The following RUNX1 variants were observed in gnomAD, a reference collection of about 807,000 sequenced individuals.
The protein encoded by RUNX1 is RUNX family transcription factor 1.
A neutral mutation model predicts 42.8 loss-of-function variants in RUNX1; 19 were observed. The ratio of observed to expected loss-of-function variants is 0.44; its 90% CI spans 0.31 to 0.65. RUNX1 has a LOEUF of 0.65. Among genes scored for constraint, RUNX1 ranks in the 30% least tolerant of loss-of-function variants. The pLI is 0.07. For missense variants in RUNX1, 528 were observed against 672.0 expected (o/e 0.79, Z 2.37); for synonymous variants, 271 against 289.4 (o/e 0.94, Z 0.64).
At chr21:34,889,404 C>T (rs532720212) in intron 3 of RUNX1, among the ~76,000 whole-genome samples, 19 of 152,268 alleles carry the variant, frequency 1.2e-4, no homozygotes, top group Middle Eastern at 3.4e-3. Context: ...ACCGCTGCGC[C>T]CGGGCCGCGG....
In RUNX1 at chr21:34,988,976, T is replaced by G. The variant is rs9982871; in HGVS notation, c.58+59866A>C. Among the ~76,000 whole-genome samples, 981 of 151,288 alleles carry G rather than the reference T, an allele frequency of 6.5e-3. 4 individuals are homozygous for G. Among genetic ancestry groups the G allele is most frequent in the African/African-American group, 0.023 (941 of 41,148 alleles). On this transcript the variant is annotated intron_variant, in intron 2 of 8. Coordinates refer to ENST00000675419, the MANE Select transcript of RUNX1 (RefSeq NM_001754.5). ...GCAAAGTGGAGAGATCCAGAACATG[T>G]GCCTTTGGCTGGCCCAGATCTCTCT...
At chr21:34,997,703 A>C (rs553958581) in intron 2 of RUNX1, among the ~76,000 whole-genome samples, 1 of 152,276 alleles carries the variant, frequency 6.6e-6, no homozygotes, top group South Asian at 2.1e-4. Flanking sequence ...ATGCTTTCCT[A>C]GGTCTATCTT....
intron 2 of RUNX1, among the ~76,000 whole-genome samples, chr21:35,022,803 G>C (rs926321806): frequency 6.6e-6 from 1 of 152,032 alleles, no homozygotes; most frequent in Middle Eastern, 3.4e-3. Flanking sequence ...GCTGAGGCAG[G>C]AGAATTGCTT....
chr21:34,970,773 C>T (rs1261883123), intron 2 of RUNX1, among the ~76,000 whole-genome samples: 4 of 152,180 alleles, frequency 2.6e-5, no homozygotes, highest in African/African-American at 4.8e-5. Context: ...CTGATGAAAA[C>T]CATGGCCTTA....
At chr21:35,030,523 G>A (rs1176593315) in intron 2 of RUNX1, among the ~76,000 whole-genome samples, 2 of 152,188 alleles carry the variant, frequency 1.3e-5, no homozygotes, top group Non-Finnish European at 2.9e-5. Flanking sequence ...GAGATAAAAT[G>A]TTAAAGAAAA....
intron 2 of RUNX1, among the ~76,000 whole-genome samples, chr21:34,993,494 T>TACACACA (rs2058961764): frequency 8.1e-6 from 1 of 123,044 alleles, no homozygotes; most frequent in African/African-American, 4.5e-5. Context: ...TGTTTGTTTG[T>TACACACA]CCCTACACAC....
In RUNX1 at chr21:34,792,155, C is replaced by T. The variant is rs2056446865; in HGVS notation, c.1423G>A (p.Ala475Thr). 8 of 1,507,630 alleles carry T rather than the reference C, an allele frequency of 5.3e-6. No homozygotes were observed. Among genetic ancestry groups the T allele is most frequent in the Non-Finnish European group, 7.0e-6 (8 of 1,135,580 alleles). The allele number at this position is 1,507,630 out of a possible 1,614,324, so 93.4% of individuals were successfully genotyped here. A position where few individuals can be genotyped will look rare whatever the true frequency, so the allele number is the denominator to read the frequency against. ...NMAPSARLEE[A>T]VWRPY ...GCGCCTCAGTAGGGCCTCCACACGG[C>T]CTCCTCCAGGCGCGCGGAGGGCGCC... is the stretch of plus-strand genomic sequence containing the variant. The change falls in exon 9 of 9, where the codon GCC becomes ACC. Residue 475 changes from alanine (A) to threonine (T), a missense_variant. Ala to Thr is a moderately conservative substitution (Grantham distance 58). This residue lies in a region of RUNX1 where 331 missense variants were observed against 382.5 expected (regional missense o/e 0.87). Transcript: ENST00000675419. The surrounding 1 kb of genome is among the most constrained non-coding windows in gnomAD (Gnocchi z 6.9).
rs5843687 is a variant in RUNX1 at position 34,846,194 on chromosome 21, CTTTT to C, written c.614-11597_614-11594del. Reference sequence around the variant, plus strand: ...GAGTACTTTGTGGGTTTAAGGATGTCTTTTTTTTTTTTTTTTTTTTTCAAATGTT... The same window carrying C: ...GAGTACTTTGTGGGTTTAAGGATGTCTTTTTTTTTTTTTTTTTCAAATGTT... On this transcript the variant is annotated intron_variant, in intron 6 of 8. Coordinates refer to ENST00000675419, the MANE Select transcript of RUNX1 (RefSeq NM_001754.5). Among the ~76,000 whole-genome samples the C allele has an allele frequency of 1.3e-3, 135 of 102,262 alleles. No individual in the cohort carries two copies. In the Middle Eastern group the frequency reaches 0.014, roughly 11 times the overall value. The allele number at this position is 102,262 out of a possible 152,430, so 67.1% of individuals were successfully genotyped here.
At chr21:34,995,204 C>T (rs548462632) in intron 2 of RUNX1, among the ~76,000 whole-genome samples, 3 of 152,332 alleles carry the variant, frequency 2.0e-5, no homozygotes, top group Admixed American at 2.0e-4. Context: ...CCCTTTGGCC[C>T]TACACATCAG....
intron 2 of RUNX1, among the ~76,000 whole-genome samples, chr21:34,969,753 T>C (rs2058748127): frequency 6.7e-6 from 1 of 149,828 alleles, no homozygotes; most frequent in Non-Finnish European, 1.5e-5. Flanking sequence ...TACAGCGCTT[T>C]ATCAGTTAAA....
intron 7 of RUNX1, chr21:34,821,823 T>A: frequency 1.3e-6 from 1 of 765,964 alleles, no homozygotes; most frequent in Non-Finnish European, 2.0e-6. Context: ...CAGGAAGAGA[T>A]TCTGGAATAG....
In RUNX1 at chr21:34,792,742, G is replaced by C; in HGVS notation, c.968-132C>G. 1 of 895,676 alleles carries C rather than the reference G, an allele frequency of 1.1e-6. No homozygotes were observed. Among genetic ancestry groups the C allele is most frequent in the East Asian group, 2.7e-5 (1 of 37,288 alleles). 55.5% of individuals were successfully genotyped at this position (895,676 alleles called of 1,614,324 possible). A position where few individuals can be genotyped will look rare whatever the true frequency, so the allele number is the denominator to read the frequency against. The stretch of plus-strand genomic sequence containing the variant: ...ATGGGAAGCCACCCAGGATGCTACT[G>C]CTGGGGAGGACGGGGACCACCCGGG... On this transcript the variant is annotated intron_variant, in intron 8 of 8. Transcript: ENST00000675419. The surrounding 1 kb of genome is among the most constrained non-coding windows in gnomAD (Gnocchi z 6.9).
intron 2 of RUNX1, among the ~76,000 whole-genome samples, chr21:34,953,908 C>G (rs1222846001): frequency 6.6e-6 from 1 of 152,176 alleles, no homozygotes; most frequent in Non-Finnish European, 1.5e-5. Context: ...AGAAGTGGAA[C>G]AGAAAACTCA....
intron 2 of RUNX1, among the ~76,000 whole-genome samples, chr21:34,930,565 T>C (rs2058435644): frequency 6.6e-6 from 1 of 151,932 alleles, no homozygotes; most frequent in African/African-American, 2.4e-5. Flanking sequence ...GGCCGCCATA[T>C]TAGGCAGTGT....
At chr21:34,860,540 T>TGA (rs1013500337) in intron 5 of RUNX1, among the ~76,000 whole-genome samples, 26 of 152,016 alleles carry the variant, frequency 1.7e-4, no homozygotes, top group African/African-American at 6.0e-4. Flanking sequence ...CGTGTGTGTG[T>TGA]GTGTGTGTGT....
intron 3 of RUNX1, among the ~76,000 whole-genome samples, chr21:34,891,740 T>C (rs772504154): frequency 4.6e-5 from 7 of 151,688 alleles, no homozygotes; most frequent in African/African-American, 9.7e-5. Flanking sequence ...AGCGATACGT[T>C]GGGCGGATGC....
At chr21:34,805,381 C>G (rs1229233131) in intron 7 of RUNX1, among the ~76,000 whole-genome samples, 6 of 150,688 alleles carry the variant, frequency 4.0e-5, no homozygotes, top group Admixed American at 3.3e-4. Context: ...TCAGAGAACA[C>G]CAAGCATAAT....
In RUNX1 at chr21:34,843,632, C is replaced by T. The variant is rs1407449721; in HGVS notation, c.614-9031G>A. Among the ~76,000 whole-genome samples the T allele has an allele frequency of 6.6e-6, 1 of 152,134 alleles. No homozygotes were observed. Among genetic ancestry groups the T allele is most frequent in the Non-Finnish European group, 1.5e-5 (1 of 68,024 alleles). On this transcript the variant is annotated intron_variant, in intron 6 of 8. Transcript: ENST00000675419. The surrounding 1 kb of genome is among the most constrained non-coding windows in gnomAD (Gnocchi z 4.8). ...GCCAACGCCAAGGCAAGATCAACAA[C>T]CAATACAACTTCAAGCCAGAGACGC...
At chr21:34,956,889 T>G (rs1042344050) in intron 2 of RUNX1, among the ~76,000 whole-genome samples, 3 of 152,206 alleles carry the variant, frequency 2.0e-5, no homozygotes, top group Non-Finnish European at 4.4e-5. Context: ...GTAAACTAAC[T>G]CTTGTTCCTC....
Sources: gnomAD v4.1 joint callset for allele counts (sites outside exome capture counted in the v4.1 genomes callset) on GRCh38, gnomAD v4.1.1 for gene constraint, gnomAD v4.1.1 regional missense constraint, Gnocchi (gnomAD v3.1) non-coding constraint, MANE v1.5 for transcripts, NCBI Gene and HGNC (gene_info 2026-07-23, HGNC 2026-07-21) for gene names.